Variants in HTR4 observed in about 807,000 individuals in gnomAD.
HTR4 encodes the protein 5-hydroxytryptamine (serotonin) receptor 4, G protein-coupled.
In HTR4, 16 loss-of-function variants were observed where a neutral mutation model predicts 36.8. The ratio of observed to expected loss-of-function variants is 0.43; its 90% CI spans 0.29 to 0.66. HTR4 has a LOEUF of 0.66. Ranked by LOEUF, HTR4 falls within the 30% of genes least tolerant of loss-of-function variation. The probability of loss-of-function intolerance (pLI) is 0.13; values close to 1 mark genes in which losing one functional copy is unlikely to be tolerated. For synonymous variants in HTR4, 189 were observed against 185.1 expected, an observed-to-expected ratio of 1.02 and a Z score of -0.17; for missense variants, 438 against 490.9, an observed-to-expected ratio of 0.89 and a Z score of 1.02.
At chr5:148,583,125 T>C (rs910880669) in intron 2 of HTR4, among the ~76,000 whole-genome samples, 2 of 151,692 alleles carry the variant, frequency 1.3e-5, no homozygotes, top group African/African-American at 4.9e-5. Context: ...ACCTAATTTA[T>C]TGAGAGTTTT....
At chr5:148,455,412 T>C (rs1214391799) in intron 5 of HTR4, among the ~76,000 whole-genome samples, 1 of 152,224 alleles carries the variant, frequency 6.6e-6, no homozygotes, top group Admixed American at 6.5e-5. Flanking sequence ...TGCCGTGGAA[T>C]GCAGGCAACC....
chr5:148,586,195 T>C (rs1195443452), intron 2 of HTR4, among the ~76,000 whole-genome samples: 1 of 152,166 alleles, frequency 6.6e-6, no homozygotes, highest in South Asian at 2.1e-4. Context: ...GCCAGAACAA[T>C]GCCTGCAACC....
At chr5:148,583,497 C>T (rs1217341017) in intron 2 of HTR4, among the ~76,000 whole-genome samples, 1 of 151,548 alleles carries the variant, frequency 6.6e-6, no homozygotes, top group Non-Finnish European at 1.5e-5. Flanking sequence ...GATGCAAAGG[C>T]TAATAATACT....
At chr5:148,598,843 G>A (rs1478295471) in intron 2 of HTR4, among the ~76,000 whole-genome samples, 1 of 152,128 alleles carries the variant, frequency 6.6e-6, no homozygotes, top group Admixed American at 6.6e-5. Context: ...GCTATCTGGA[G>A]TTGTAAGACA....
At position 148,598,083 on chromosome 5, in the gene HTR4, T is replaced by C. The variant is rs372844534; in HGVS notation, c.26+38906A>G. 3.9e-5 allele frequency among the ~76,000 whole-genome samples: 6 copies of C among 152,224 alleles called. No individual in the cohort carries two copies. In the East Asian group the frequency reaches 5.8e-4, roughly 15 times the overall value. On this transcript the variant is annotated intron_variant, in intron 2 of 6. Transcript: ENST00000377888. ...TTATCTGGGATTACTTAAGTAGCCA[T>C]CAGTGAACTCTGAGGGAAGATTCTG...
rs1393123704 is a variant in HTR4, at chr5:148,548,826, C to T, written c.195G>A (p.Ala65=). The T allele has an allele frequency of 5.0e-6, 8 of 1,613,804 alleles. No homozygotes were observed. Among genetic ancestry groups the T allele is most frequent in the Non-Finnish European group, 6.8e-6 (8 of 1,179,970 alleles). ...TCACCAGCACCGAAACCAGCAGATC[C>T]GCAAAAGCAAGAGATACAATGAAAT... is the stretch of plus-strand genomic sequence containing the variant. The part of the protein sequence containing the change: ...TNYFIVSLAF[A]DLLVSVLVMP... Residue 65 remains alanine, a synonymous_variant, in exon 4 of 7, where the codon GCG becomes GCA. Coordinates refer to ENST00000377888, the MANE Select transcript of HTR4 (RefSeq NM_000870.7).
intron 6 of HTR4, among the ~76,000 whole-genome samples, chr5:148,496,646 C>T (rs766879133): frequency 8.5e-5 from 13 of 152,154 alleles, no homozygotes; most frequent in Non-Finnish European, 1.6e-4. Flanking sequence ...ATCAGGAAAA[C>T]CTTTCAAGCT....
intron 2 of HTR4, among the ~76,000 whole-genome samples, chr5:148,573,984 T>A (rs1760783990): frequency 6.6e-6 from 1 of 152,038 alleles, no homozygotes; most frequent in Non-Finnish European, 1.5e-5. Context: ...AATTACCAGT[T>A]CTCAGGCCAG....
intron 6 of HTR4, among the ~76,000 whole-genome samples, chr5:148,488,039 G>T (rs1295988456): frequency 2.6e-5 from 4 of 152,176 alleles, no homozygotes; most frequent in Non-Finnish European, 5.9e-5. Flanking sequence ...ATGAGAAATA[G>T]AATTCTTGGG....
intron 4 of HTR4, among the ~76,000 whole-genome samples, chr5:148,528,775 C>T (rs1447728565): frequency 6.6e-6 from 1 of 152,008 alleles, no homozygotes; most frequent in Non-Finnish European, 1.5e-5. Context: ...CACATAAACA[C>T]CACCACTAGA....
At chr5:148,501,104 A>C (rs1055129116) in intron 6 of HTR4, among the ~76,000 whole-genome samples, 1 of 152,240 alleles carries the variant, frequency 6.6e-6, no homozygotes, top group African/African-American at 2.4e-5. Flanking sequence ...TTACATGCCC[A>C]CTAACAGCAA....
intron 2 of HTR4, among the ~76,000 whole-genome samples, chr5:148,604,198 C>T (rs568479592): frequency 1.2e-4 from 18 of 152,178 alleles, no homozygotes; most frequent in African/African-American, 4.1e-4. Flanking sequence ...TTTTGAAGAG[C>T]TTCTGTTAAT....
At chr5:148,531,441 G>C (rs923732988) in intron 4 of HTR4, among the ~76,000 whole-genome samples, 5 of 152,196 alleles carry the variant, frequency 3.3e-5, no homozygotes, top group Admixed American at 1.3e-4. Flanking sequence ...CACCATGTGA[G>C]ATGTGCCTTT....
Position 148,570,148 on chromosome 5 carries a change from C to T in HTR4, c.27-19886G>A, listed in dbSNP as rs188327936. Among the ~76,000 whole-genome samples, 6 of 152,232 alleles carry T rather than the reference C, an allele frequency of 3.9e-5. No homozygotes were observed. The East Asian group carries it at 1.2e-3, about 30-fold the overall frequency. On this transcript the variant is annotated intron_variant, in intron 2 of 6. Transcript: ENST00000377888. ...AGCAGAAAACAAACAAACTCTCTGACTCAAAAAGAGGCTTGGCCAAGGAAT... is the reference window on the plus strand; with the variant it reads ...AGCAGAAAACAAACAAACTCTCTGATTCAAAAAGAGGCTTGGCCAAGGAAT...
At chr5:148,510,280 C>T (rs992188472) in intron 5 of HTR4, among the ~76,000 whole-genome samples, 1 of 152,156 alleles carries the variant, frequency 6.6e-6, no homozygotes, top group Admixed American at 6.5e-5. Flanking sequence ...ATACAAAGAA[C>T]CTTGATGACA....
At chr5:148,518,807 A>C (rs1757878661) in intron 5 of HTR4, among the ~76,000 whole-genome samples, 1 of 152,092 alleles carries the variant, frequency 6.6e-6, no homozygotes, top group Non-Finnish European at 1.5e-5. Flanking sequence ...GTTCCAAAAC[A>C]CTTTTTTTCT....
At chr5:148,575,573 C>T (rs75247393) in intron 2 of HTR4, among the ~76,000 whole-genome samples, 3,343 of 152,046 alleles carry the variant, frequency 0.022, 71 homozygotes, top group South Asian at 0.096. Context: ...CTCCTAGGCA[C>T]AGAACCTAAA....
rs1754127201 is a variant in HTR4 at position 148,654,232 on chromosome 5, G to A, written c.-218C>T. On this transcript the variant is annotated 5_prime_UTR_variant, in exon 1 of 7. Transcript: ENST00000377888. The stretch of plus-strand genomic sequence containing the variant: ...CCAGCCCCCGCGCTGGGGAGCCGGC[G>A]AGCGTGAGGCGCGGGCCAGGGGCTG... The A allele has an allele frequency of 1.0e-6, 1 of 985,082 alleles. No individual in the cohort carries two copies. The allele number at this position is 985,082 out of a possible 1,614,324, so 61.0% of individuals were successfully genotyped here.
rs535578403 is a variant in HTR4, at chr5:148,505,663, A to G, written c.1076+3793T>C. On this transcript the variant is annotated intron_variant, in intron 6 of 6. Transcript: ENST00000377888. ...CAAAATCTCCTTAAGCTGATAGGCA[A>G]CTTCAGCAAAGTCTCAGGATACAAA... Among the ~76,000 whole-genome samples the G allele has an allele frequency of 8.4e-4, 128 of 152,348 alleles. 4 individuals are homozygous for G. The East Asian group carries it at 0.02, about 24-fold the overall frequency.
Sources: gnomAD v4.1 joint callset for allele counts (sites outside exome capture counted in the v4.1 genomes callset) on GRCh38, gnomAD v4.1.1 for gene constraint, MANE v1.5 for transcripts, NCBI Gene and HGNC (gene_info 2026-07-23, HGNC 2026-07-21) for gene names.